NOX4: variants seen among roughly 807,000 people sequenced by gnomAD.
NOX4 encodes the protein kidney oxidase-1.
NOX4 carries 69 observed loss-of-function variants against 87.6 expected under a neutral mutation model. That is an observed-to-expected ratio of 0.79 (90% CI 0.65 to 0.96). The LOEUF (loss-of-function observed/expected upper bound fraction) is 0.96, where lower values mean the gene tolerates loss of function less well. Among genes scored for constraint, NOX4 ranks in the 40% least tolerant of loss-of-function variants. NOX4 has a pLI of 0.00. For missense variants in NOX4, 680 were observed against 681.5 expected, an observed-to-expected ratio of 1.00 and a Z score of 0.02; for synonymous variants, 275 against 238.2, an observed-to-expected ratio of 1.15 and a Z score of -1.42.
chr11:89,375,706 T>C (rs1254826636), intron 11 of NOX4, among the ~76,000 whole-genome samples: 1 of 152,174 alleles, frequency 6.6e-6, no homozygotes, highest in East Asian at 1.9e-4. Flanking sequence ...GATTTAACTA[T>C]ATACTACTGA....
the NOX4 span, among the ~76,000 whole-genome samples, chr11:89,578,355 T>A: frequency 6.6e-6 from 1 of 152,062 alleles, no homozygotes; most frequent in Non-Finnish European, 1.5e-5. Context: ...AGAGAAATGA[T>A]TTCACCATGT....
chr11:89,491,865 G>A (rs141137586), upstream of NOX4, among the ~76,000 whole-genome samples: 1,115 of 151,948 alleles, frequency 7.3e-3, 17 homozygotes, highest in African/African-American at 0.025. Flanking sequence ...CCTTTTGTGT[G>A]CTAGTTCACG....
intron 6 of NOX4, among the ~76,000 whole-genome samples, chr11:89,438,129 G>C (rs1433766617): frequency 6.7e-6 from 1 of 150,248 alleles, no homozygotes; most frequent in Non-Finnish European, 1.5e-5. Context: ...GGACCTCTGG[G>C]AAAGGACATA....
At chr11:89,533,573 G>T in the NOX4 span, 1 of 147,030 alleles carries the variant, frequency 6.8e-6, no homozygotes, top group East Asian at 2.2e-4. Flanking sequence ...TGCTAAATTT[G>T]CTTCACATGC....
chr11:89,570,721 G>A, the NOX4 span, among the ~76,000 whole-genome samples: 1,630 of 152,262 alleles, frequency 0.011, 27 homozygotes, highest in African/African-American at 0.037. Flanking sequence ...GTTGCAGAGA[G>A]GAGGCTGAAG....
intron 8 of NOX4, among the ~76,000 whole-genome samples, chr11:89,404,177 G>T (rs1246264549): frequency 6.6e-6 from 1 of 152,092 alleles, no homozygotes; most frequent in Non-Finnish European, 1.5e-5. Flanking sequence ...CAATTGCTGG[G>T]ATATTATACT....
At chr11:89,340,442 A>G (rs1187545045) in intron 14 of NOX4, among the ~76,000 whole-genome samples, 1 of 152,198 alleles carries the variant, frequency 6.6e-6, no homozygotes. Flanking sequence ...AGTGTGAATA[A>G]TATTCACAAG....
chr11:89,551,942 T>G, the NOX4 span, among the ~76,000 whole-genome samples: 1 of 152,086 alleles, frequency 6.6e-6, no homozygotes, highest in Non-Finnish European at 1.5e-5. Flanking sequence ...CATAAATAGC[T>G]ATTATTTTTA....
chr11:89,522,985 T>C, the NOX4 span, among the ~76,000 whole-genome samples: 1 of 152,156 alleles, frequency 6.6e-6, no homozygotes, highest in African/African-American at 2.4e-5. Context: ...GATAACTGAT[T>C]AGACCCAATA....
chr11:89,432,681 T>C, intron 7 of NOX4, 103 bp downstream of exon 7: 1 of 774,046 alleles, frequency 1.3e-6, no homozygotes. Context: ...CCCAGAATAG[T>C]CCATTAACCA....
In NOX4 at chr11:89,490,529, G is replaced by A; in HGVS notation, c.82C>T (p.Leu28=). The A allele has an allele frequency of 6.2e-7, 1 of 1,613,940 alleles. No individual in the cohort carries two copies. The highest frequency in any genetic ancestry group is 8.5e-7 in the Non-Finnish European group (1 of 1,179,906). Residue 28 remains leucine (L), a synonymous_variant, in exon 2 of 18, where the codon CTG becomes TTG. Coordinates refer to ENST00000263317, the MANE Select transcript of NOX4 (RefSeq NM_016931.5). The part of the protein sequence containing the change: ...CLFIWLSMNV[L]LFWKTFLLYN... ...AGCAAGAAGGTTTTCCAGAAAAGCAGGACATTCATGGAGAGCCAGATGAAC... is the reference window on the plus strand; with the variant it reads ...AGCAAGAAGGTTTTCCAGAAAAGCAAGACATTCATGGAGAGCCAGATGAAC...
At chr11:89,421,482 T>C (rs1943081488) in intron 8 of NOX4, among the ~76,000 whole-genome samples, 1 of 152,162 alleles carries the variant, frequency 6.6e-6, no homozygotes, top group Non-Finnish European at 1.5e-5. Context: ...CTGCAAGTAT[T>C]ACTTCCTGTA....
the NOX4 span, among the ~76,000 whole-genome samples, chr11:89,570,705 C>A: frequency 1.3e-5 from 2 of 152,114 alleles, no homozygotes; most frequent in East Asian, 3.9e-4. Flanking sequence ...GTGGTGCATA[C>A]CTGTAGTTGC....
At position 89,449,671 on chromosome 11, in the gene NOX4, T is replaced by C. The variant is rs1052789015; in HGVS notation, c.265-147A>G. 1.7e-5 allele frequency: 10 copies of C among 580,254 alleles called. 1 individual carries two copies. The Admixed American group carries it at 2.3e-4, about 13-fold the overall frequency. The allele number at this position is 580,254 out of a possible 1,614,324, so 35.9% of individuals were successfully genotyped here. ...TTGGTGAGATGAATTATGATCTATC[T>C]AGTTAATGGGACACCTAAACCATTA... On this transcript the variant is annotated intron_variant, in intron 3 of 17. Transcript: ENST00000263317.
At chr11:89,587,830 A>G in the NOX4 span, among the ~76,000 whole-genome samples, 1 of 152,236 alleles carries the variant, frequency 6.6e-6, no homozygotes, top group Non-Finnish European at 1.5e-5. Flanking sequence ...AAGGATTGGG[A>G]TTGGGCTATT....
the NOX4 span, among the ~76,000 whole-genome samples, chr11:89,559,515 G>A: frequency 6.6e-6 from 1 of 151,996 alleles, no homozygotes; most frequent in African/African-American, 2.4e-5. Flanking sequence ...ACCAAGGTGA[G>A]GTCACTGAAT....
the NOX4 span, among the ~76,000 whole-genome samples, chr11:89,528,396 A>G: frequency 6.6e-6 from 1 of 152,194 alleles, no homozygotes; most frequent in African/African-American, 2.4e-5. Flanking sequence ...TGTGAAATGA[A>G]CATGAGATTT....
the NOX4 span, among the ~76,000 whole-genome samples, chr11:89,518,372 T>TTG: frequency 1.0e-5 from 1 of 98,628 alleles, no homozygotes; most frequent in East Asian, 2.9e-4. Context: ...GCAGAAAGTC[T>TTG]TGGGGGGGGG....
the NOX4 span, among the ~76,000 whole-genome samples, chr11:89,550,426 T>A: frequency 6.6e-6 from 1 of 152,270 alleles, no homozygotes; most frequent in East Asian, 1.9e-4. Context: ...CCTCAGGTGA[T>A]CTGCCAACCC....
Sources: gnomAD v4.1 joint callset for allele counts (sites outside exome capture counted in the v4.1 genomes callset) on GRCh38, gnomAD v4.1.1 for gene constraint, MANE v1.5 for transcripts, NCBI Gene and HGNC (gene_info 2026-07-23, HGNC 2026-07-21) for gene names.